Variants in COL4A4 observed in about 807,000 individuals in gnomAD.
COL4A4 encodes the protein collagen alpha-4(IV) chain.
In COL4A4, 105 loss-of-function variants were observed where a neutral mutation model predicts 192.9. That is an observed-to-expected ratio of 0.54 (90% CI 0.46 to 0.64). COL4A4 has a LOEUF of 0.64. COL4A4 is among the 30% of genes least tolerant of loss of function. The pLI is 0.00. For missense variants in COL4A4, 1,967 were observed against 2,169.3 expected, an observed-to-expected ratio of 0.91 and a Z score of 1.85; for synonymous variants, 762 against 769.9, an observed-to-expected ratio of 0.99 and a Z score of 0.17.
At chr2:227,133,198 C>T (rs1485847307) in intron 4 of COL4A4, among the ~76,000 whole-genome samples, 3 of 152,190 alleles carry the variant, frequency 2.0e-5, no homozygotes, top group Non-Finnish European at 4.4e-5. Flanking sequence ...ACCAAAGGCC[C>T]TGTTGCAAAT....
chr2:226,970,283 T>G, the COL4A4 span, among the ~76,000 whole-genome samples: 1 of 152,004 alleles, frequency 6.6e-6, no homozygotes, highest in Non-Finnish European at 1.5e-5. Flanking sequence ...GAAATAAAAC[T>G]GAATTGAGGA....
chr2:227,019,354 G>A (rs1467785967), intron 44 of COL4A4, among the ~76,000 whole-genome samples: 1 of 152,202 alleles, frequency 6.6e-6, no homozygotes, highest in African/African-American at 2.4e-5. Flanking sequence ...TGGGGACCTT[G>A]TTAAAATGCA....
chr2:226,995,764 GACC>G, the COL4A4 span: 1 of 507,952 alleles, frequency 2.0e-6, no homozygotes, highest in Non-Finnish European at 3.5e-6. Flanking sequence ...TCCATGAAGA[GACC>G]AGTTTCCACG....
rs1310562732 is a variant in COL4A4, at chr2:227,028,648, TTATTATTA to T, written c.3974-647_3974-640del. 7.6e-4 allele frequency among the ~76,000 whole-genome samples: 18 copies of T among 23,810 alleles called. 1 individual carries two copies. Among genetic ancestry groups the T allele is most frequent in the Admixed American group, 5.8e-3 (13 of 2,244 alleles). 15.6% of individuals were successfully genotyped at this position (23,810 alleles called of 152,430 possible). A position where few individuals can be genotyped will look rare whatever the true frequency, so the allele number is the denominator to read the frequency against. ...CTATGCTCTTTATAAAAGAAATTTATTATTATTATTATTATTATTATTATTATTATTAT... is the reference window on the plus strand; with the variant it reads ...CTATGCTCTTTATAAAAGAAATTTATTTATTATTATTATTATTATTATTAT... On this transcript the variant is annotated intron_variant, in intron 41 of 47. Transcript: ENST00000396625.
At chr2:227,080,072 T>C (rs2059238803) in intron 24 of COL4A4, among the ~76,000 whole-genome samples, 1 of 152,158 alleles carries the variant, frequency 6.6e-6, no homozygotes, top group East Asian at 1.9e-4. Flanking sequence ...GAAACAGAAT[T>C]GATGCTAAAC....
chr2:226,984,050 C>T, the COL4A4 span, among the ~76,000 whole-genome samples: 3 of 152,104 alleles, frequency 2.0e-5, no homozygotes, highest in South Asian at 2.1e-4. Context: ...CTGCTGTCTC[C>T]GGCAATTATG....
chr2:226,987,141 C>A, the COL4A4 span, among the ~76,000 whole-genome samples: 1 of 152,076 alleles, frequency 6.6e-6, no homozygotes, highest in Admixed American at 6.6e-5. Flanking sequence ...AACACATGGA[C>A]ACAGAGAGGG....
intron 19 of COL4A4, among the ~76,000 whole-genome samples, chr2:227,098,279 G>A (rs1213393653): frequency 1.3e-5 from 2 of 152,082 alleles, no homozygotes; most frequent in African/African-American, 2.4e-5. Flanking sequence ...GAAAACATGG[G>A]GAAACACTAA....
intron 35 of COL4A4, among the ~76,000 whole-genome samples, chr2:227,045,364 C>G (rs1157767291): frequency 6.6e-6 from 1 of 152,078 alleles, no homozygotes; most frequent in Non-Finnish European, 1.5e-5. Context: ...ACCGATTTTT[C>G]CCTTCTGAGG....
chr2:227,108,379 A>T lies in COL4A4; in HGVS notation c.735+202T>A, dbSNP rs7600536. 0.72 allele frequency among the ~76,000 whole-genome samples: 110,320 copies of T among 152,180 alleles called. 41,234 individuals carry two copies. The highest frequency in any genetic ancestry group is 0.93 in the African/African-American group (38,593 of 41,554). ...AATGTGTTGCACAAATTAACCCGAA[A>T]GTAGTGTTAAATTGTGTCAGATCTT... On this transcript the variant is annotated intron_variant, in intron 12 of 47. Coordinates refer to ENST00000396625, the MANE Select transcript of COL4A4 (RefSeq NM_000092.5).
At chr2:227,018,229 T>C (rs906824395) in intron 44 of COL4A4, among the ~76,000 whole-genome samples, 2 of 152,052 alleles carry the variant, frequency 1.3e-5, no homozygotes, top group African/African-American at 4.8e-5. Flanking sequence ...GCAACTCTTT[T>C]GTTTTGTTTT....
At chr2:227,110,100 A>G (rs961659896) in intron 9 of COL4A4, among the ~76,000 whole-genome samples, 2 of 152,210 alleles carry the variant, frequency 1.3e-5, no homozygotes, top group Non-Finnish European at 2.9e-5. Context: ...TTTCTACAAC[A>G]TGTAAGTTGT....
At position 227,047,494 on chromosome 2, in the gene COL4A4, T is replaced by C. The variant is rs781023890; in HGVS notation, c.3270A>G (p.Pro1090=). 1.2e-6 allele frequency: 2 copies of C among 1,613,840 alleles called. No individual in the cohort carries two copies. The highest frequency in any genetic ancestry group is 1.3e-5 in the African/African-American group (1 of 75,038). Residue 1090 remains proline, a synonymous_variant, in exon 35 of 48, where the codon CCA becomes CCG. Coordinates refer to ENST00000396625, the MANE Select transcript of COL4A4 (RefSeq NM_000092.5). ...CTATACCTGGACATCCAGGGCTACC[T>C]GGCTCACCCTTTGGACCAGGTGGAC... The part of the protein sequence containing the change: ...HFGPPGPKGE[P]GSPGCPGHFG...
At chr2:227,031,177 A>G (rs561340802) in intron 40 of COL4A4, among the ~76,000 whole-genome samples, 77 of 152,358 alleles carry the variant, frequency 5.1e-4, no homozygotes, top group African/African-American at 1.8e-3. Context: ...GTTCCCACAA[A>G]TAGGAATAAA....
chr2:227,107,270 C>A (rs142204045), intron 12 of COL4A4, among the ~76,000 whole-genome samples: 1 of 152,038 alleles, frequency 6.6e-6, no homozygotes. Context: ...ATTGGAGGGA[C>A]GGGATGCTAC....
At chr2:227,162,467 C>T (rs2125580820) in intron 1 of COL4A4, among the ~76,000 whole-genome samples, 1 of 152,228 alleles carries the variant, frequency 6.6e-6, no homozygotes. Flanking sequence ...ACACTGTCAC[C>T]TCATCAACAG....
chr2:227,090,021 A>C (rs1168807897), intron 20 of COL4A4, 64 bp from the exon 21 acceptor site: 26 of 1,351,384 alleles, frequency 1.9e-5, no homozygotes, highest in Non-Finnish European at 2.7e-5. Context: ...TCTTCTATAG[A>C]ATAAGTGACT....
the COL4A4 span, among the ~76,000 whole-genome samples, chr2:226,977,224 C>T: frequency 6.6e-6 from 1 of 152,210 alleles, no homozygotes; most frequent in Non-Finnish European, 1.5e-5. Flanking sequence ...GTTTGTGTCT[C>T]CCCTTCGGCA....
At chr2:227,041,121 C>T (rs1380622376) in intron 37 of COL4A4, among the ~76,000 whole-genome samples, 1 of 152,102 alleles carries the variant, frequency 6.6e-6, no homozygotes, top group African/African-American at 2.4e-5. Context: ...ATTGTTTTCT[C>T]TTCCACTTAT....
Sources: allele counts gnomAD v4.1 joint callset (sites outside exome capture counted in the v4.1 genomes callset), GRCh38; gene constraint gnomAD v4.1.1; transcripts MANE v1.5; gene names NCBI Gene and HGNC (gene_info 2026-07-23, HGNC 2026-07-21).